The following BNC2 variants were observed in gnomAD, a reference collection of about 807,000 sequenced individuals.
BNC2 encodes basonuclin zinc finger protein 2.
In BNC2, 20 loss-of-function variants were observed where a neutral mutation model predicts 76.3. The ratio of observed to expected loss-of-function variants is 0.26; its 90% CI spans 0.18 to 0.38. The LOEUF is 0.38. Ranked by LOEUF, BNC2 falls within the 10% of genes least tolerant of loss-of-function variation. The pLI is 1.00. For missense variants in BNC2, 1,382 were observed against 1,399.8 expected (o/e 0.99, Z 0.20); for synonymous variants, 582 against 514.8 (o/e 1.13, Z -1.77).
intron 5 of BNC2, among the ~76,000 whole-genome samples, chr9:16,474,677 T>C (rs1821892948): frequency 6.6e-6 from 1 of 152,226 alleles, no homozygotes; most frequent in South Asian, 2.1e-4. Flanking sequence ...TATCTTCATA[T>C]AGTGTAATAG....
At chr9:16,811,230 C>CAAAAAAAAAAAAAAAAAAAAAAAAAAA (rs58068661) in intron 1 of BNC2, among the ~76,000 whole-genome samples, 1 of 97,548 alleles carries the variant, frequency 1.0e-5, no homozygotes, top group African/African-American at 3.8e-5. Flanking sequence ...CTCAAAAGAC[C>CAAAAAAAAAAAAAAAAAAAAAAAAAAA]AAAAAAAAAA....
chr9:16,711,456 C>G, intron 3 of BNC2, among the ~76,000 whole-genome samples: 1 of 151,940 alleles, frequency 6.6e-6, no homozygotes, highest in East Asian at 1.9e-4. Flanking sequence ...AATGGGTCAA[C>G]TAGGAAAAAA....
chr9:16,749,425 G>T (rs540404194), intron 1 of BNC2, among the ~76,000 whole-genome samples: 35 of 152,218 alleles, frequency 2.3e-4, no homozygotes, highest in Non-Finnish European at 4.9e-4. Context: ...GGGGAAGCAC[G>T]AATAAAAGTA....
At chr9:16,761,212 C>T (rs1298159166) in intron 1 of BNC2, among the ~76,000 whole-genome samples, 1 of 152,110 alleles carries the variant, frequency 6.6e-6, no homozygotes, top group Non-Finnish European at 1.5e-5. Context: ...TGTGCCACTG[C>T]ACTCCAGCCT....
chr9:16,443,466 T>C (rs974200242), intron 5 of BNC2, among the ~76,000 whole-genome samples: 2 of 152,144 alleles, frequency 1.3e-5, no homozygotes, highest in Non-Finnish European at 2.9e-5. Context: ...GGATAGAAAG[T>C]AGAGAAATTA....
At chr9:16,439,145 G>T (rs1344774976) in intron 5 of BNC2, among the ~76,000 whole-genome samples, 2 of 152,054 alleles carry the variant, frequency 1.3e-5, no homozygotes, top group East Asian at 3.9e-4. Context: ...CATGATTGTG[G>T]GGCCTCCCCG....
At chr9:16,421,833 G>A (rs1234297489) in intron 6 of BNC2, among the ~76,000 whole-genome samples, 3 of 150,994 alleles carry the variant, frequency 2.0e-5, no homozygotes, top group African/African-American at 4.9e-5. Context: ...AAAACTATCT[G>A]CCAACTATGA....
chr9:16,562,555 A>G (rs746905796), intron 4 of BNC2, among the ~76,000 whole-genome samples: 11 of 152,236 alleles, frequency 7.2e-5, no homozygotes, highest in Admixed American at 4.6e-4. Flanking sequence ...ACCATTAATC[A>G]TCATTTTCAT....
At chr9:16,548,495 T>A (rs1818558870) in intron 5 of BNC2, among the ~76,000 whole-genome samples, 1 of 151,946 alleles carries the variant, frequency 6.6e-6, no homozygotes, top group African/African-American at 2.4e-5. Context: ...AACCTCTGCT[T>A]CCCGGGTTCA....
intron 3 of BNC2, among the ~76,000 whole-genome samples, chr9:16,693,949 C>T (rs1003739193): frequency 6.6e-6 from 1 of 152,184 alleles, no homozygotes; most frequent in Non-Finnish European, 1.5e-5. Context: ...AGCTTCTCTA[C>T]CTATCTTTCC....
intron 6 of BNC2, among the ~76,000 whole-genome samples, chr9:16,422,045 A>C (rs1340309354): frequency 1.3e-5 from 2 of 152,336 alleles, no homozygotes; most frequent in East Asian, 1.9e-4. Flanking sequence ...ATAAGGAAGA[A>C]TAAATTAACA....
At chr9:16,456,719 G>A (rs577877072) in intron 5 of BNC2, among the ~76,000 whole-genome samples, 327 of 152,186 alleles carry the variant, frequency 2.1e-3, no homozygotes, top group African/African-American at 7.4e-3. Flanking sequence ...AAGAGTCCTT[G>A]AAAATGGAGA....
At chr9:16,694,007 C>T (rs1823261113) in intron 3 of BNC2, among the ~76,000 whole-genome samples, 1 of 152,178 alleles carries the variant, frequency 6.6e-6, no homozygotes, top group African/African-American at 2.4e-5. Context: ...AGGAAAGAGA[C>T]TGCCTTCAAG....
intron 5 of BNC2, among the ~76,000 whole-genome samples, chr9:16,454,001 A>C (rs568212725): frequency 3.0e-4 from 45 of 152,016 alleles, no homozygotes; most frequent in Non-Finnish European, 4.7e-4. Context: ...CCCACCACCA[A>C]CGTTTTGCTT....
intron 5 of BNC2, among the ~76,000 whole-genome samples, chr9:16,521,827 G>C (rs1002165251): frequency 1.6e-4 from 24 of 152,114 alleles, no homozygotes; most frequent in African/African-American, 5.6e-4. Context: ...GCCACAGCAA[G>C]AAATCCATGG....
intron 3 of BNC2, among the ~76,000 whole-genome samples, chr9:16,687,502 G>A (rs960388993): frequency 3.9e-5 from 6 of 152,098 alleles, no homozygotes; most frequent in Non-Finnish European, 7.3e-5. Context: ...ACATATGGAA[G>A]GCCACTAATG....
In BNC2 at chr9:16,870,654, C is replaced by T. The variant is rs1452084298; in HGVS notation, c.-6G>A. On this transcript the variant is annotated 5_prime_UTR_variant, in exon 1 of 7. It removes an upstream start codon present in the reference 5' UTR. Coordinates refer to ENST00000380672, the MANE Select transcript of BNC2 (RefSeq NM_017637.6). ...GGGTGGAAACTTCTTACCATCTCGG[C>T]ATGCTGGTTGTCAAGTGCAGCCCCC... 6 of 1,610,976 alleles carry T rather than the reference C, an allele frequency of 3.7e-6. No homozygotes were observed. Among genetic ancestry groups the T allele is most frequent in the Non-Finnish European group, 5.1e-6 (6 of 1,178,622 alleles).
At position 16,465,001 on chromosome 9, in the gene BNC2, G is replaced by T. The variant is rs376769101; in HGVS notation, c.670-27477C>A. On this transcript the variant is annotated intron_variant, in intron 5 of 6. Coordinates refer to ENST00000380672, the MANE Select transcript of BNC2 (RefSeq NM_017637.6). ...GATGATTCAGTGAATTCTAACACACGACTTTTAATCATTTCACTCTCTTGC... is the reference window on the plus strand; with the variant it reads ...GATGATTCAGTGAATTCTAACACACTACTTTTAATCATTTCACTCTCTTGC... Among the ~76,000 whole-genome samples, 7 of 152,142 alleles carry T rather than the reference G, an allele frequency of 4.6e-5. No individual in the cohort carries two copies. The East Asian group carries it at 9.7e-4, about 21-fold the overall frequency.
intron 1 of BNC2, among the ~76,000 whole-genome samples, chr9:16,771,168 C>G (rs1048857529): frequency 6.6e-6 from 1 of 151,844 alleles, no homozygotes; most frequent in Admixed American, 6.6e-5. Context: ...GACTCTGTCC[C>G]CCAAAAAAAG....
Sources: gnomAD v4.1 joint callset for allele counts (sites outside exome capture counted in the v4.1 genomes callset) on GRCh38, gnomAD v4.1.1 for gene constraint, MANE v1.5 for transcripts, NCBI Gene and HGNC (gene_info 2026-07-23, HGNC 2026-07-21) for gene names.